The following DPP10 variants were observed in gnomAD, a reference collection of about 807,000 sequenced individuals.
DPP10 encodes inactive dipeptidyl peptidase 10.
A neutral mutation model predicts 120.9 loss-of-function variants in DPP10; 33 were observed. The observed-to-expected ratio is 0.27, with a 90% CI of 0.21 to 0.37. The LOEUF is 0.37. Among genes scored for constraint, DPP10 ranks in the 10% least tolerant of loss-of-function variants. The pLI is 1.00. For missense variants in DPP10, 816 were observed against 942.8 expected (o/e 0.87, Z 1.76); for synonymous variants, 337 against 326.1 (o/e 1.03, Z -0.36).
At chr2:115,246,078 A>G (rs532192378) in intron 1 of DPP10, among the ~76,000 whole-genome samples, 1 of 152,090 alleles carries the variant, frequency 6.6e-6, no homozygotes, top group Non-Finnish European at 1.5e-5. Context: ...GAAGAAGACT[A>G]CTTTTGAAAT....
chr2:115,827,412 GTGTATATATATATATA>G (rs1237914921), intron 21 of DPP10, among the ~76,000 whole-genome samples: 3 of 81,946 alleles, frequency 3.7e-5, no homozygotes, highest in Middle Eastern at 8.9e-3. Context: ...GTATGTGTGT[GTGTATATATATATATA>G]TATATATATA....
At chr2:115,221,754 G>GTTTTTTTTTTTTTTTT (rs56077672) in intron 1 of DPP10, among the ~76,000 whole-genome samples, 1 of 120,144 alleles carries the variant, frequency 8.3e-6, no homozygotes, top group African/African-American at 3.3e-5. Flanking sequence ...GTTTGTTTCT[G>GTTTTTTTTTTTTTTTT]TTTTTTTTTT....
intron 1 of DPP10, among the ~76,000 whole-genome samples, chr2:114,494,229 A>ACT (rs1249894743): frequency 6.6e-6 from 1 of 152,062 alleles, no homozygotes; most frequent in Non-Finnish European, 1.5e-5. Flanking sequence ...AAGTTACTCA[A>ACT]CTTCTTCTGC....
At chr2:115,028,410 T>C (rs1376696990) in intron 1 of DPP10, among the ~76,000 whole-genome samples, 1 of 152,142 alleles carries the variant, frequency 6.6e-6, no homozygotes, top group African/African-American at 2.4e-5. Context: ...GAAGTTCCTC[T>C]TGTTATTGAT....
intron 5 of DPP10, among the ~76,000 whole-genome samples, chr2:115,651,777 A>C (rs1272321693): frequency 6.6e-6 from 1 of 152,090 alleles, no homozygotes; most frequent in Non-Finnish European, 1.5e-5. Flanking sequence ...TAAAGAGAAT[A>C]AGCAGATAGT....
At chr2:114,792,894 T>G (rs974363193) in intron 1 of DPP10, among the ~76,000 whole-genome samples, 1 of 152,164 alleles carries the variant, frequency 6.6e-6, no homozygotes, top group African/African-American at 2.4e-5. Flanking sequence ...CCCTTGCTGA[T>G]TTTGCTTTTC....
chr2:115,550,445 G>T (rs2079804210), intron 5 of DPP10, among the ~76,000 whole-genome samples: 1 of 152,052 alleles, frequency 6.6e-6, no homozygotes, highest in African/African-American at 2.4e-5. Context: ...TACAAAATGT[G>T]CTCAAAACCA....
chr2:115,190,094 G>T (rs2054761275), intron 1 of DPP10, among the ~76,000 whole-genome samples: 2 of 152,166 alleles, frequency 1.3e-5, no homozygotes, highest in South Asian at 2.1e-4. Flanking sequence ...CCCTCTGGCT[G>T]GTAGCCCCTA....
In DPP10 at chr2:114,442,725, C is replaced by T; in HGVS notation, c.-54C>T. On this transcript the variant is annotated 5_prime_UTR_variant, in exon 1 of 26. Transcript: ENST00000410059. The stretch of plus-strand genomic sequence containing the variant: ...AAGTCCAATAGAGGAGACTTGATCT[C>T]TAGTTCATTCTGGAACTCCGCCTGG... 1.2e-6 allele frequency: 2 copies of T among 1,607,264 alleles called. No homozygotes were observed. Among genetic ancestry groups the T allele is most frequent in the South Asian group, 2.2e-5 (2 of 90,396 alleles).
intron 1 of DPP10, among the ~76,000 whole-genome samples, chr2:114,543,672 A>G (rs1425366370): frequency 6.6e-6 from 1 of 152,160 alleles, no homozygotes; most frequent in Non-Finnish European, 1.5e-5. Context: ...GTCATTAAGC[A>G]AGCAAACTCC....
intron 1 of DPP10, among the ~76,000 whole-genome samples, chr2:115,256,350 G>T (rs2058986884): frequency 6.6e-6 from 1 of 152,220 alleles, no homozygotes. Flanking sequence ...TTCACAGCAT[G>T]TGGGGATTAT....
At chr2:115,342,080 G>A (rs1287065497) in intron 2 of DPP10, 5 of 444,046 alleles carry the variant, frequency 1.1e-5, no homozygotes, top group African/African-American at 2.0e-5. Flanking sequence ...GTGAGAGTTG[G>A]TCATTTTATG....
At chr2:115,390,453 A>C (rs1276967497) in intron 3 of DPP10, among the ~76,000 whole-genome samples, 1 of 152,158 alleles carries the variant, frequency 6.6e-6, no homozygotes, top group African/African-American at 2.4e-5. Context: ...GGCTTTCTCT[A>C]AGTCTCTCTG....
At chr2:115,029,769 C>A (rs1573365462) in intron 1 of DPP10, among the ~76,000 whole-genome samples, 1 of 152,158 alleles carries the variant, frequency 6.6e-6, no homozygotes, top group African/African-American at 2.4e-5. Context: ...TATTTGCAAA[C>A]CAGTTTGATC....
chr2:114,912,691 G>C (rs892684462), intron 1 of DPP10, among the ~76,000 whole-genome samples: 1 of 152,146 alleles, frequency 6.6e-6, no homozygotes. Flanking sequence ...CTGAGCACCA[G>C]GACTCATTTT....
chr2:115,034,599 A>G (rs1704089989), intron 1 of DPP10, among the ~76,000 whole-genome samples: 1 of 152,244 alleles, frequency 6.6e-6, no homozygotes, highest in African/African-American at 2.4e-5. Flanking sequence ...CATAAAACTC[A>G]AGACCCTTCT....
At chr2:115,143,197 G>A (rs2051025460) in intron 1 of DPP10, among the ~76,000 whole-genome samples, 2 of 152,174 alleles carry the variant, frequency 1.3e-5, no homozygotes, top group Non-Finnish European at 2.9e-5. Flanking sequence ...ATGGTGCTGT[G>A]AGGCTGGCTG....
intron 3 of DPP10, among the ~76,000 whole-genome samples, chr2:115,370,084 G>A (rs1286877980): frequency 2.6e-5 from 4 of 152,042 alleles, no homozygotes; most frequent in Non-Finnish European, 5.9e-5. Flanking sequence ...CTTTAAATTG[G>A]TTTTAATATT....
At chr2:115,091,943 T>G (rs1255707069) in intron 1 of DPP10, among the ~76,000 whole-genome samples, 1 of 152,212 alleles carries the variant, frequency 6.6e-6, no homozygotes, top group Non-Finnish European at 1.5e-5. Flanking sequence ...ATAGTCATCT[T>G]GACTCTGGTA....
Sources: gnomAD v4.1 joint callset for allele counts (sites outside exome capture counted in the v4.1 genomes callset) on GRCh38, gnomAD v4.1.1 for gene constraint, MANE v1.5 for transcripts, NCBI Gene and HGNC (gene_info 2026-07-23, HGNC 2026-07-21) for gene names.